Variants in PTPRD observed in about 807,000 individuals in gnomAD.
PTPRD encodes the protein protein tyrosine phosphatase receptor type D.
PTPRD carries 34 observed loss-of-function variants against 214.5 expected under a neutral mutation model. The observed-to-expected ratio is 0.16, with a 90% CI of 0.12 to 0.21. The LOEUF (loss-of-function observed/expected upper bound fraction) is 0.21, where lower values mean the gene tolerates loss of function less well. Ranked by LOEUF, PTPRD falls within the 10% of genes least tolerant of loss-of-function variation. The probability of loss-of-function intolerance (pLI) is 1.00; values close to 1 mark genes in which losing one functional copy is unlikely to be tolerated. For missense variants in PTPRD, 2,545 were observed against 2,398.7 expected (o/e 1.06, Z -1.27); for synonymous variants, 1,128 against 845.7 (o/e 1.33, Z -5.79).
intron 12 of PTPRD, among the ~76,000 whole-genome samples, chr9:8,660,990 T>G (rs1328430944): frequency 2.6e-5 from 4 of 152,048 alleles, no homozygotes; most frequent in Admixed American, 2.6e-4. Flanking sequence ...ACACTTGCAC[T>G]CACTCTGGCT....
chr9:8,505,578 C>T (rs1159789009), intron 22 of PTPRD, among the ~76,000 whole-genome samples: 8 of 141,512 alleles, frequency 5.7e-5, no homozygotes, highest in African/African-American at 1.6e-4. Flanking sequence ...GCAGAGATCG[C>T]GCCACTGCAC....
At chr9:9,621,749 G>T (rs919935404) in intron 7 of PTPRD, among the ~76,000 whole-genome samples, 3 of 152,112 alleles carry the variant, frequency 2.0e-5, no homozygotes, top group African/African-American at 7.2e-5. Context: ...CGCCTGGGCT[G>T]GGGTGATTTT....
chr9:9,394,663 T>C (rs1273773024), intron 9 of PTPRD, among the ~76,000 whole-genome samples: 1 of 152,138 alleles, frequency 6.6e-6, no homozygotes, highest in Non-Finnish European at 1.5e-5. Flanking sequence ...CTTGTTATTA[T>C]CATTATCTTG....
chr9:9,364,179 G>A (rs1267549559), intron 9 of PTPRD, among the ~76,000 whole-genome samples: 2 of 151,368 alleles, frequency 1.3e-5, no homozygotes, highest in South Asian at 4.2e-4. Flanking sequence ...TTGATAGACT[G>A]ATCGTTTTTC....
At chr9:8,596,257 T>C (rs1157458992) in intron 14 of PTPRD, among the ~76,000 whole-genome samples, 3 of 142,574 alleles carry the variant, frequency 2.1e-5, no homozygotes, top group Non-Finnish European at 4.9e-5. Context: ...ATGGATTTTA[T>C]GGATTATATG....
chr9:9,280,764 A>G (rs1273017549), intron 9 of PTPRD, among the ~76,000 whole-genome samples: 1 of 151,318 alleles, frequency 6.6e-6, no homozygotes, highest in African/African-American at 2.4e-5. Context: ...CATTTTGTGA[A>G]TATTGACAAA....
intron 10 of PTPRD, among the ~76,000 whole-genome samples, chr9:9,123,493 T>C (rs2099819576): frequency 6.6e-6 from 1 of 152,178 alleles, no homozygotes; most frequent in African/African-American, 2.4e-5. Flanking sequence ...AGAAAGAGAA[T>C]ACAGAACTCT....
chr9:9,264,204 C>T (rs904846419), intron 9 of PTPRD, among the ~76,000 whole-genome samples: 5 of 151,488 alleles, frequency 3.3e-5, no homozygotes, highest in African/African-American at 1.2e-4. Flanking sequence ...CAGTATCCAA[C>T]CTAAAAGAAT....
At chr9:8,883,070 A>C (rs1443064006) in intron 11 of PTPRD, among the ~76,000 whole-genome samples, 1 of 152,068 alleles carries the variant, frequency 6.6e-6, no homozygotes, top group Non-Finnish European at 1.5e-5. Flanking sequence ...AATTCCTGTC[A>C]AATGCCTTAA....
chr9:8,976,244 A>C (rs901199048), intron 11 of PTPRD, among the ~76,000 whole-genome samples: 1 of 152,000 alleles, frequency 6.6e-6, no homozygotes, highest in African/African-American at 2.4e-5. Context: ...CACTACTGTT[A>C]GTTTTGAATC....
intron 8 of PTPRD, among the ~76,000 whole-genome samples, chr9:9,455,748 A>G (rs1006294323): frequency 6.6e-6 from 1 of 151,634 alleles, no homozygotes; most frequent in Non-Finnish European, 1.5e-5. Context: ...TAGAAAAAAA[A>G]CTCTTTTTGA....
intron 14 of PTPRD, among the ~76,000 whole-genome samples, chr9:8,534,390 C>G (rs186360201): frequency 1.3e-3 from 201 of 151,970 alleles, no homozygotes; most frequent in Non-Finnish European, 2.4e-3. Flanking sequence ...GAGTGAACCA[C>G]TCAGTTTTTT....
intron 3 of PTPRD, among the ~76,000 whole-genome samples, chr9:10,276,307 C>A (rs2094687016): frequency 6.6e-6 from 1 of 152,178 alleles, no homozygotes; most frequent in East Asian, 1.9e-4. Flanking sequence ...CTACACAATC[C>A]TGCACATTCC....
At chr9:10,134,760 A>G (rs10958910) in intron 3 of PTPRD, among the ~76,000 whole-genome samples, 18,958 of 152,190 alleles carry the variant, frequency 0.12, 1,315 homozygotes, top group South Asian at 0.26. Context: ...AGGGAACAGC[A>G]TCCTTCTCAG....
At chr9:10,559,849 C>A in intron 2 of PTPRD, among the ~76,000 whole-genome samples, 1 of 151,960 alleles carries the variant, frequency 6.6e-6, no homozygotes, top group East Asian at 1.9e-4. Context: ...CAAATCAAAA[C>A]CACAATGAGA....
intron 7 of PTPRD, among the ~76,000 whole-genome samples, chr9:9,629,433 C>T (rs772430859): frequency 2.5e-4 from 38 of 151,896 alleles, no homozygotes; most frequent in Admixed American, 8.5e-4. Context: ...CTTCCATAGG[C>T]CAGAAAACTG....
chr9:10,010,144 C>G (rs10809003), intron 4 of PTPRD, among the ~76,000 whole-genome samples: 77,009 of 151,654 alleles, frequency 0.51, 21,948 homozygotes, highest in Middle Eastern at 0.68. Context: ...GTTGAGAAAA[C>G]AAATTTAGGA....
At chr9:8,713,494 G>A (rs1597720603) in intron 12 of PTPRD, 5 of 1,133,304 alleles carry the variant, frequency 4.4e-6, no homozygotes, top group African/African-American at 1.5e-5. Flanking sequence ...AGGGGAGACT[G>A]TCTACTGTGG....
chr9:9,100,529 T>A (rs1245718709), intron 10 of PTPRD, among the ~76,000 whole-genome samples: 1 of 152,192 alleles, frequency 6.6e-6, no homozygotes, highest in Non-Finnish European at 1.5e-5. Context: ...TCTGTTGGTA[T>A]GATCAGGTAG....
Sources: allele counts gnomAD v4.1 joint callset (sites outside exome capture counted in the v4.1 genomes callset), GRCh38; gene constraint gnomAD v4.1.1; transcripts MANE v1.5; gene names NCBI Gene and HGNC (gene_info 2026-07-23, HGNC 2026-07-21).